Variants in TRPM3 observed in about 807,000 individuals in gnomAD.
The protein encoded by TRPM3 is transient receptor potential cation channel subfamily M member 3.
TRPM3 carries 77 observed loss-of-function variants against 181.2 expected under a neutral mutation model. That is an observed-to-expected ratio of 0.42 (90% CI 0.35 to 0.51). TRPM3 has a LOEUF of 0.51. Ranked by LOEUF, TRPM3 falls within the 20% of genes least tolerant of loss-of-function variation. The pLI is 0.01. For missense variants in TRPM3, 1,759 were observed against 2,196.7 expected (o/e 0.80, Z 3.98); for synonymous variants, 745 against 796.4 (o/e 0.94, Z 1.09).
At chr9:70,542,832 G>T (rs533897581) in intron 25 of TRPM3, among the ~76,000 whole-genome samples, 1 of 152,300 alleles carries the variant, frequency 6.6e-6, no homozygotes, top group East Asian at 1.9e-4. Context: ...TTGGAAAAGG[G>T]TAAACAGGTT....
In TRPM3 at chr9:70,809,995, G is replaced by A. The variant is rs370730591; in HGVS notation, c.973+17852C>T. On this transcript the variant is annotated intron_variant, in intron 6 of 25. Coordinates refer to ENST00000677713, the MANE Select transcript of TRPM3 (RefSeq NM_001366145.2). ...AAGATGCCAGTGATGACAATTGAAC[G>A]TCCCTTTGCCTTCCCAGCCTCCTTC... The A allele has an allele frequency of 3.6e-5, 19 of 534,566 alleles. No homozygotes were observed. Among genetic ancestry groups the A allele is most frequent in the East Asian group, 1.1e-4 (2 of 18,348 alleles). The allele number at this position is 534,566 out of a possible 1,614,324, so 33.1% of individuals were successfully genotyped here. A position where few individuals can be genotyped will look rare whatever the true frequency, so the allele number is the denominator to read the frequency against.
At chr9:70,926,006 A>T (rs987659617) in intron 1 of TRPM3, among the ~76,000 whole-genome samples, 1 of 151,852 alleles carries the variant, frequency 6.6e-6, no homozygotes, top group Non-Finnish European at 1.5e-5. Flanking sequence ...ACAAAAAAAA[A>T]AAAAACAAAC....
chr9:71,163,906 T>C lies in TRPM3; in HGVS notation c.183+282747A>G, dbSNP rs183490978. Among the ~76,000 whole-genome samples the C allele has an allele frequency of 7.9e-5, 12 of 152,234 alleles. No individual in the cohort carries two copies. In the East Asian group the frequency reaches 2.3e-3, roughly 29 times the overall value. On this transcript the variant is annotated intron_variant, in intron 1 of 24. Coordinates refer to the TRPM3 transcript ENST00000357533. Reference sequence around the variant, plus strand: ...AAAGTATCAGAATTATCAAGAACTATAAAGATAGAAGTGTAGCCACTGGAT... The same window carrying C: ...AAAGTATCAGAATTATCAAGAACTACAAAGATAGAAGTGTAGCCACTGGAT...
chr9:70,674,169 A>G (rs1232958378), intron 9 of TRPM3, among the ~76,000 whole-genome samples: 1 of 152,178 alleles, frequency 6.6e-6, no homozygotes, highest in Non-Finnish European at 1.5e-5. Flanking sequence ...AATATTTTTT[A>G]TTATCAAAGT....
upstream of TRPM3, among the ~76,000 whole-genome samples, chr9:71,126,548 TG>T (rs1452426740): frequency 6.6e-6 from 1 of 152,212 alleles, no homozygotes; most frequent in Non-Finnish European, 1.5e-5. Flanking sequence ...CAATCCTTAA[TG>T]TATTTCCAAA....
intron 3 of TRPM3, among the ~76,000 whole-genome samples, chr9:70,847,140 TAAC>T (rs1476814619): frequency 6.6e-6 from 1 of 152,136 alleles, no homozygotes; most frequent in Non-Finnish European, 1.5e-5. Flanking sequence ...AGAAGACAAG[TAAC>T]AAAAGGCAGG....
chr9:71,044,800 TA>T (rs1238452033), intron 1 of TRPM3, among the ~76,000 whole-genome samples: 2 of 151,996 alleles, frequency 1.3e-5, no homozygotes, highest in African/African-American at 4.8e-5. Flanking sequence ...GCCTCCCAAG[TA>T]GCTGGGACTA....
In TRPM3 at chr9:70,942,767, G is replaced by A. The variant is rs79022234; in HGVS notation, c.178-78256C>T. On this transcript the variant is annotated intron_variant, in intron 1 of 25. Coordinates refer to ENST00000677713, the MANE Select transcript of TRPM3 (RefSeq NM_001366145.2). ...TAACCTCTGTGGATCATCCATAAAT[G>A]GATAGCTTTGACCAGGGTTTCTCAA... Among the ~76,000 whole-genome samples the A allele has an allele frequency of 4.3e-4, 66 of 152,224 alleles. 5 individuals are homozygous for A. The East Asian group carries it at 0.012, about 29-fold the overall frequency.
intron 6 of TRPM3, among the ~76,000 whole-genome samples, chr9:70,796,584 C>T (rs1272112514): frequency 6.6e-6 from 1 of 152,030 alleles, no homozygotes. Context: ...GAAGCACATG[C>T]CAATGAACAT....
intron 1 of TRPM3, among the ~76,000 whole-genome samples, chr9:70,865,046 TG>T (rs71507015): frequency 0.01 from 1,000 of 95,352 alleles, 3 homozygotes; most frequent in African/African-American, 0.031. Flanking sequence ...ACAGGGGGGT[TG>T]GGGGGGGGGA....
At chr9:70,915,071 G>C (rs1234380764) in intron 1 of TRPM3, among the ~76,000 whole-genome samples, 1 of 152,038 alleles carries the variant, frequency 6.6e-6, no homozygotes, top group Non-Finnish European at 1.5e-5. Context: ...AAATATCAAG[G>C]CCATCCCAGA....
intron 16 of TRPM3, among the ~76,000 whole-genome samples, 186 bp from the exon 17 acceptor site, chr9:70,619,281 T>G (rs1296486075): frequency 2.6e-5 from 4 of 152,114 alleles, no homozygotes; most frequent in African/African-American, 9.7e-5. Context: ...CCGGATACCA[T>G]GTATAGAACT....
chr9:70,574,092 G>GCACACACA lies in TRPM3; in HGVS notation c.3223+16931_3223+16938dup, dbSNP rs1554756427. Among the ~76,000 whole-genome samples, 5 of 119,086 alleles carry GCACACACA rather than the reference G, an allele frequency of 4.2e-5. No homozygotes were observed. The South Asian group carries it at 1.4e-3, about 33-fold the overall frequency. 78.1% of individuals were successfully genotyped at this position (119,086 alleles called of 152,430 possible). A position where few individuals can be genotyped will look rare whatever the true frequency, so the allele number is the denominator to read the frequency against. On this transcript the variant is annotated intron_variant, in intron 22 of 25. Transcript: ENST00000677713. ...TCATGTCAGACACACACACGCGCGC[G>GCACACACA]CACACACACACACACACACTACTAA... is the stretch of plus-strand genomic sequence containing the variant.
chr9:70,620,195 G>A lies in TRPM3; in HGVS notation c.2010C>T (p.His670=), dbSNP rs563705646. The change falls in exon 16 of 26, where the codon CAC becomes CAT. Residue 670 remains histidine (H), a synonymous_variant. Transcript: ENST00000677713. The part of the protein sequence containing the change: ...RQKMALFFWQ[H]GEEAMAKALV... ...GGGCCTTGGCCATGGCCTCCTCACC[G>A]TGCTGCCAGAAGAACAGGGCCATCT... 86 of 1,614,184 alleles carry A rather than the reference G, an allele frequency of 5.3e-5. No individual in the cohort carries two copies. The highest frequency in any genetic ancestry group is 1.6e-4 in the Middle Eastern group (1 of 6,062).
At chr9:70,775,737 A>C (rs895473432) in intron 7 of TRPM3, 2 of 152,052 alleles carry the variant, frequency 1.3e-5, no homozygotes, top group Non-Finnish European at 2.9e-5. Flanking sequence ...CCTGACCTCA[A>C]CCAGATTTAT....
chr9:70,958,643 C>A (rs923388015), intron 1 of TRPM3, among the ~76,000 whole-genome samples: 9 of 152,108 alleles, frequency 5.9e-5, no homozygotes, highest in Non-Finnish European at 1.2e-4. Context: ...TTGACCCAGC[C>A]ATCCCATTTC....
At chr9:70,913,890 A>C (rs1162201289) in intron 1 of TRPM3, among the ~76,000 whole-genome samples, 2 of 152,216 alleles carry the variant, frequency 1.3e-5, no homozygotes, top group Non-Finnish European at 2.9e-5. Flanking sequence ...GACCTCGCCT[A>C]AACTCCATTG....
chr9:71,274,243 A>C (rs2084017964), intron 1 of TRPM3, among the ~76,000 whole-genome samples: 6 of 152,194 alleles, frequency 3.9e-5, no homozygotes, highest in Admixed American at 3.9e-4. Flanking sequence ...TTCAGGAGGG[A>C]AAAACATCTA....
intron 1 of TRPM3, among the ~76,000 whole-genome samples, chr9:70,970,699 C>G (rs1484898126): frequency 1.3e-5 from 2 of 152,074 alleles, no homozygotes; most frequent in African/African-American, 4.8e-5. Context: ...GGTGATGAGG[C>G]CAAAGTGAAT....
Sources: allele counts gnomAD v4.1 joint callset (sites outside exome capture counted in the v4.1 genomes callset), GRCh38; gene constraint gnomAD v4.1.1; transcripts MANE v1.5; gene names NCBI Gene and HGNC (gene_info 2026-07-23, HGNC 2026-07-21).